The following ANKS1A variants were observed in gnomAD, a reference collection of about 807,000 sequenced individuals.
ANKS1A encodes the protein ankyrin repeat and SAM domain-containing protein 1A.
In ANKS1A, 55 loss-of-function variants were observed where a neutral mutation model predicts 120.3. That is an observed-to-expected ratio of 0.46 (90% CI 0.37 to 0.57). The LOEUF is 0.57. Among genes scored for constraint, ANKS1A ranks in the 20% least tolerant of loss-of-function variants. ANKS1A has a pLI of 0.00. For synonymous variants in ANKS1A, 590 were observed against 604.7 expected, an observed-to-expected ratio of 0.98 and a Z score of 0.36; for missense variants, 1,123 against 1,480.3, an observed-to-expected ratio of 0.76 and a Z score of 3.96.
intron 10 of ANKS1A, among the ~76,000 whole-genome samples, chr6:35,002,471 G>A (rs1230964356): frequency 6.6e-6 from 1 of 152,186 alleles, no homozygotes; most frequent in Non-Finnish European, 1.5e-5. Flanking sequence ...TCAGACGAAG[G>A]ACTGTTCCCA....
At chr6:35,051,222 C>T (rs1409615567) in intron 11 of ANKS1A, among the ~76,000 whole-genome samples, 2 of 151,974 alleles carry the variant, frequency 1.3e-5, no homozygotes, top group Non-Finnish European at 2.9e-5. Flanking sequence ...AGAAAAGAAA[C>T]CTGGGCTTCT....
chr6:34,896,758 A>G (rs966609659), intron 1 of ANKS1A, among the ~76,000 whole-genome samples: 3 of 152,278 alleles, frequency 2.0e-5, no homozygotes, highest in Middle Eastern at 3.4e-3. Flanking sequence ...TGAGGTCAGG[A>G]GTTAGAGACC....
intron 1 of ANKS1A, among the ~76,000 whole-genome samples, chr6:34,911,294 A>G (rs558799893): frequency 1.3e-5 from 2 of 152,220 alleles, no homozygotes; most frequent in African/African-American, 4.8e-5. Context: ...TTATGTAGTT[A>G]TTTATTTACC....
At chr6:34,943,999 C>T (rs901559608) in intron 1 of ANKS1A, among the ~76,000 whole-genome samples, 4 of 152,152 alleles carry the variant, frequency 2.6e-5, no homozygotes, top group Admixed American at 6.5e-5. Context: ...ATAGGCTGGG[C>T]GTGGTGGCTC....
chr6:34,931,106 C>T (rs1215562175), intron 1 of ANKS1A, among the ~76,000 whole-genome samples: 12 of 149,628 alleles, frequency 8.0e-5, no homozygotes, highest in Admixed American at 5.3e-4. Flanking sequence ...CTTGAACTCC[C>T]GACCTCAGGT....
intron 11 of ANKS1A, among the ~76,000 whole-genome samples, chr6:35,047,482 C>T (rs1485724909): frequency 3.9e-5 from 6 of 152,202 alleles, no homozygotes; most frequent in Non-Finnish European, 8.8e-5. Flanking sequence ...GAAGGACCAA[C>T]TGGCAGATTA....
chr6:34,995,541 A>C (rs1772804580), intron 10 of ANKS1A, among the ~76,000 whole-genome samples: 1 of 151,978 alleles, frequency 6.6e-6, no homozygotes, highest in Non-Finnish European at 1.5e-5. Flanking sequence ...CATCCCCAAA[A>C]TTTTTCCATG....
At chr6:34,936,269 G>A (rs1264308553) in intron 1 of ANKS1A, among the ~76,000 whole-genome samples, 4 of 152,098 alleles carry the variant, frequency 2.6e-5, no homozygotes, top group Admixed American at 2.0e-4. Flanking sequence ...AGCAGCAGAA[G>A]TAGAAAGACC....
chr6:35,077,129 A>G (rs948812265), intron 13 of ANKS1A, among the ~76,000 whole-genome samples: 2 of 152,126 alleles, frequency 1.3e-5, no homozygotes, highest in African/African-American at 2.4e-5. Flanking sequence ...GGTGTGGGGG[A>G]TCTAGCACTG....
chr6:34,988,728 G>A (rs1052882642), intron 8 of ANKS1A, among the ~76,000 whole-genome samples: 1 of 152,184 alleles, frequency 6.6e-6, no homozygotes, highest in Non-Finnish European at 1.5e-5. Context: ...CAGTATCAGA[G>A]CGTTAACATT....
chr6:35,002,448 C>T (rs1249417368), intron 10 of ANKS1A, among the ~76,000 whole-genome samples: 1 of 152,162 alleles, frequency 6.6e-6, no homozygotes, highest in African/African-American at 2.4e-5. Flanking sequence ...GTAAGGACTT[C>T]AACTGACCTT....
rs1270838858 is a variant in ANKS1A, at chr6:35,084,423, C to G, written c.3132+165C>G. On this transcript the variant is annotated intron_variant, in intron 21 of 23. Transcript: ENST00000360359. This position sits in a 1 kb window ranked among gnomAD's most constrained non-coding sequence, Gnocchi z 4.8. The stretch of plus-strand genomic sequence containing the variant: ...AGCAGCACTCAGGCCGGTCCCCTTT[C>G]ACAGTGATGAGACTGACGCGCAGAG... Among the ~76,000 whole-genome samples, 1 of 152,002 alleles carries G rather than the reference C, an allele frequency of 6.6e-6. No homozygotes were observed. The highest frequency in any genetic ancestry group is 1.5e-5 in the Non-Finnish European group (1 of 68,020).
intron 2 of ANKS1A, among the ~76,000 whole-genome samples, chr6:34,969,271 TG>T (rs1771061275): frequency 6.6e-6 from 1 of 152,036 alleles, no homozygotes; most frequent in East Asian, 1.9e-4. Flanking sequence ...TTATTTATTT[TG>T]AGAGAGAGTC....
chr6:35,019,329 C>T (rs922842034), intron 11 of ANKS1A, among the ~76,000 whole-genome samples: 2 of 152,156 alleles, frequency 1.3e-5, no homozygotes, highest in Non-Finnish European at 2.9e-5. Flanking sequence ...TCCATTTGAA[C>T]AATCTGTACA....
intron 14 of ANKS1A, among the ~76,000 whole-genome samples, chr6:35,078,925 G>A (rs1777511405): frequency 6.6e-6 from 1 of 152,198 alleles, no homozygotes; most frequent in Non-Finnish European, 1.5e-5. Flanking sequence ...GGGTCTGCCT[G>A]GCCCAGGAGC....
intron 1 of ANKS1A, among the ~76,000 whole-genome samples, chr6:34,919,367 G>T (rs1178955232): frequency 1.3e-5 from 2 of 152,134 alleles, no homozygotes; most frequent in African/African-American, 4.8e-5. Flanking sequence ...GACTTTTGCA[G>T]TCTGGCTCAC....
In ANKS1A at chr6:35,082,001, C is replaced by T. The variant is rs562366258; in HGVS notation, c.2710-690C>T. Among the ~76,000 whole-genome samples the T allele has an allele frequency of 1.3e-5, 2 of 152,338 alleles. No individual in the cohort carries two copies. The highest frequency in any genetic ancestry group is 3.9e-4 in the East Asian group (2 of 5,186). ...GACTTCCTTTCCCTTTCTACAAGCA[C>T]AGCCATGAGTTTTAAAGGATTTTTA... On this transcript the variant is annotated intron_variant, in intron 17 of 23. Coordinates refer to ENST00000360359, the MANE Select transcript of ANKS1A (RefSeq NM_015245.3). The surrounding 1 kb of genome is among the most constrained non-coding windows in gnomAD (Gnocchi z 4.1).
chr6:34,996,719 C>T (rs1351448580), intron 10 of ANKS1A, among the ~76,000 whole-genome samples: 1 of 152,204 alleles, frequency 6.6e-6, no homozygotes, highest in Non-Finnish European at 1.5e-5. Context: ...GATCCACCTG[C>T]CTTGGCCTCC....
At chr6:35,007,982 T>C (rs547975781) in intron 10 of ANKS1A, among the ~76,000 whole-genome samples, 8 of 152,272 alleles carry the variant, frequency 5.3e-5, no homozygotes, top group South Asian at 2.1e-4. Flanking sequence ...TTTTGGATTG[T>C]TTTCTCAGGT....
Sources: gnomAD v4.1 joint callset for allele counts (sites outside exome capture counted in the v4.1 genomes callset) on GRCh38, gnomAD v4.1.1 for gene constraint, Gnocchi (gnomAD v3.1) non-coding constraint, MANE v1.5 for transcripts, NCBI Gene and HGNC (gene_info 2026-07-23, HGNC 2026-07-21) for gene names.